TBC1D2: variants seen among roughly 807,000 people sequenced by gnomAD.
TBC1D2 encodes the protein TBC1 domain family member 2A.
A neutral mutation model predicts 91.1 loss-of-function variants in TBC1D2; 58 were observed. The observed-to-expected ratio is 0.64, with a 90% CI of 0.52 to 0.79. The LOEUF is 0.79. Ranked by LOEUF, TBC1D2 falls within the 30% of genes least tolerant of loss-of-function variation. The probability of loss-of-function intolerance (pLI) is 0.00; values close to 1 mark genes in which losing one functional copy is unlikely to be tolerated. For missense variants in TBC1D2, 1,080 were observed against 1,208.3 expected, an observed-to-expected ratio of 0.89 and a Z score of 1.57; for synonymous variants, 482 against 511.5, an observed-to-expected ratio of 0.94 and a Z score of 0.78.
intron 4 of TBC1D2, 46 bp downstream of exon 4, chr9:98,233,370 G>A (rs377041043): frequency 1.0e-5 from 16 of 1,577,502 alleles, no homozygotes; most frequent in African/African-American, 1.4e-5. Context: ...TGCCAGCCGT[G>A]AGGAGCTGGT....
In TBC1D2 at chr9:98,251,824, C is replaced by T. The variant is rs759294060; in HGVS notation, c.472G>A (p.Ala158Thr). ...AGGACGGGCCCATTCCCAGCCAGGGCGGCATCAGGGGTGGCAGGAGGTGCC... is the reference window on the plus strand; with the variant it reads ...AGGACGGGCCCATTCCCAGCCAGGGTGGCATCAGGGGTGGCAGGAGGTGCC... ...PPAPPATPDAALAGNGPVLHL... is the reference protein window; with the variant it reads ...PPAPPATPDATLAGNGPVLHL... Residue 158 changes from alanine to threonine, a missense_variant, in exon 2 of 13, where the codon GCC (alanine) becomes ACC (threonine). Ala to Thr is a moderately conservative substitution (Grantham distance 58). Coordinates refer to ENST00000465784, the MANE Select transcript of TBC1D2 (RefSeq NM_001267571.2). The T allele has an allele frequency of 2.6e-5, 42 of 1,603,034 alleles. No individual in the cohort carries two copies. Among genetic ancestry groups the T allele is most frequent in the South Asian group, 7.8e-5 (7 of 90,004 alleles).
In TBC1D2 at chr9:98,255,617, C is replaced by T; in HGVS notation, c.-76G>A. ...GGACAAATCTCGGAGACTCGGCGGG[C>T]AGCTTCCCAAAGGGAGACACCTGGG... On this transcript the variant is annotated 5_prime_UTR_variant, in exon 1 of 13. Transcript: ENST00000465784. The T allele has an allele frequency of 7.1e-7, 1 of 1,407,880 alleles. No individual in the cohort carries two copies. The highest frequency in any genetic ancestry group is 9.2e-7 in the Non-Finnish European group (1 of 1,084,874). The allele number at this position is 1,407,880 out of a possible 1,614,324, so 87.2% of individuals were successfully genotyped here.
At chr9:98,236,264 C>T (rs775594648) in intron 3 of TBC1D2, among the ~76,000 whole-genome samples, 15 of 151,928 alleles carry the variant, frequency 9.9e-5, no homozygotes, top group Non-Finnish European at 2.2e-4. Flanking sequence ...CACTCTGTCA[C>T]CCAGGCTGGA....
Position 98,203,310 on chromosome 9 carries a change from C to T in TBC1D2, c.2249G>A (p.Cys750Tyr), listed in dbSNP as rs1264400439. 1 of 1,614,240 alleles carries T rather than the reference C, an allele frequency of 6.2e-7. No homozygotes were observed. ...VETIMPADYY[C>Y]NTLTASQVDQ... Reference sequence around the variant, plus strand: ...TACCTGGGATGCCGTCAGCGTGTTGCAGTAGTAATCAGCGGGCATGATGGT... The same window carrying T: ...TACCTGGGATGCCGTCAGCGTGTTGTAGTAGTAATCAGCGGGCATGATGGT... The change falls in exon 10 of 13, where the codon TGC becomes TAC. Residue 750 changes from cysteine to tyrosine, a missense_variant. By Grantham distance (194) the Cys-to-Tyr change is radical. Transcript: ENST00000465784.
In TBC1D2 at chr9:98,224,072, T is replaced by C. The variant is rs376405587; in HGVS notation, c.979-2844A>G. On this transcript the variant is annotated intron_variant, in intron 5 of 12. Coordinates refer to ENST00000465784, the MANE Select transcript of TBC1D2 (RefSeq NM_001267571.2). Reference sequence around the variant, plus strand: ...AAAATTAGCCAGGCGTGGTGGCGGGTGCCTGTAGTCCCAGCTACTCAGGAG... The same window carrying C: ...AAAATTAGCCAGGCGTGGTGGCGGGCGCCTGTAGTCCCAGCTACTCAGGAG... Among the ~76,000 whole-genome samples, 170 of 151,642 alleles carry C rather than the reference T, an allele frequency of 1.1e-3. No homozygotes were observed. The East Asian group carries it at 0.029, about 26-fold the overall frequency.
intron 5 of TBC1D2, among the ~76,000 whole-genome samples, chr9:98,224,280 C>CTTT (rs1170210699): frequency 1.6e-4 from 17 of 107,430 alleles, no homozygotes; most frequent in Middle Eastern, 5.0e-3. Context: ...TTTTTCTTTT[C>CTTT]TTTTTTTTTT....
chr9:98,232,338 T>C (rs1829389507), intron 4 of TBC1D2, among the ~76,000 whole-genome samples: 1 of 128,084 alleles, frequency 7.8e-6, no homozygotes, highest in Non-Finnish European at 1.6e-5. Flanking sequence ...CTTTCTCTTT[T>C]TCTGTTTTTT....
intron 5 of TBC1D2, among the ~76,000 whole-genome samples, chr9:98,226,931 T>G (rs188981489): frequency 1.9e-3 from 288 of 152,346 alleles, no homozygotes; most frequent in Non-Finnish European, 3.3e-3. Context: ...AGGGGCAAAC[T>G]TTCATGAAAT....
chr9:98,208,910 C>T lies in TBC1D2; in HGVS notation c.1908G>A (p.Arg636=). The T allele has an allele frequency of 1.9e-6, 3 of 1,614,148 alleles. No homozygotes were observed. The highest frequency in any genetic ancestry group is 2.5e-6 in the Non-Finnish European group (3 of 1,180,016). The change falls in exon 9 of 13, where the codon AGG becomes AGA. Residue 636 remains arginine, a synonymous_variant. Transcript: ENST00000465784. ...VPREHRPRVW[R]WLVHLRVQHL... is the part of the protein sequence containing the mutation. ...GCTGGACACGGAGGTGGACCAGCCA[C>T]CTCCAGACACGAGGCCGGTGTTCAC... is the stretch of plus-strand genomic sequence containing the variant.
intron 7 of TBC1D2, among the ~76,000 whole-genome samples, chr9:98,211,520 G>A (rs1009505752): frequency 1.3e-5 from 2 of 152,212 alleles, no homozygotes; most frequent in Admixed American, 1.3e-4. Context: ...GGCAAGTCAG[G>A]CAAGTTCCTT....
chr9:98,211,116 A>G (rs888809083), intron 7 of TBC1D2, among the ~76,000 whole-genome samples: 2 of 152,250 alleles, frequency 1.3e-5, no homozygotes, highest in African/African-American at 4.8e-5. Flanking sequence ...CACAGCTTAC[A>G]GTCCCATCCT....
At position 98,255,413 on chromosome 9, in the gene TBC1D2, C is replaced by A. The variant is rs1285757210; in HGVS notation, c.129G>T (p.Ala43=). 1.2e-6 allele frequency: 2 copies of A among 1,612,978 alleles called. No individual in the cohort carries two copies. Among genetic ancestry groups the A allele is most frequent in the Middle Eastern group, 1.6e-4 (1 of 6,082 alleles). The part of the protein sequence containing the change: ...ESGDCARSLE[A]VPKKLCGYLS... ...AATACCCACAGAGTTTCTTGGGGAC[C>A]GCCTCCAGGGACCGGGCGCAGTCCC... The change falls in exon 1 of 13, where the codon GCG becomes GCT. Residue 43 remains alanine, a synonymous_variant. Transcript: ENST00000465784.
In TBC1D2 at chr9:98,217,314, T is replaced by C. The variant is rs140641785; in HGVS notation, c.1374+3519A>G. 4.4e-3 allele frequency among the ~76,000 whole-genome samples: 663 copies of C among 152,358 alleles called. 4 individuals carry two copies. The highest frequency in any genetic ancestry group is 0.015 in the African/African-American group (605 of 41,590). On this transcript the variant is annotated intron_variant, in intron 6 of 12. Transcript: ENST00000465784. ...GACCAGGGAAGCAGGAGCCCGGGAA[T>C]TCTCTTTGGGCCATGCCCATGGACT...
At chr9:98,216,952 C>T (rs939231553) in intron 6 of TBC1D2, among the ~76,000 whole-genome samples, 17 of 152,172 alleles carry the variant, frequency 1.1e-4, no homozygotes, top group South Asian at 4.1e-4. Flanking sequence ...ATCCTCCAAC[C>T]GTGGCCTCTC....
At chr9:98,217,861 G>A (rs1256994626) in intron 6 of TBC1D2, among the ~76,000 whole-genome samples, 7 of 152,024 alleles carry the variant, frequency 4.6e-5, no homozygotes, top group African/African-American at 1.4e-4. Context: ...ACTATGGCGG[G>A]TGCCTTCATA....
At chr9:98,206,481 G>T (rs1828658300) in intron 9 of TBC1D2, among the ~76,000 whole-genome samples, 1 of 152,088 alleles carries the variant, frequency 6.6e-6, no homozygotes, top group South Asian at 2.1e-4. Context: ...CTCCTATGAG[G>T]CTTATCTCAA....
intron 5 of TBC1D2, among the ~76,000 whole-genome samples, chr9:98,222,775 C>A (rs1326566927): frequency 6.6e-6 from 1 of 152,230 alleles, no homozygotes; most frequent in Non-Finnish European, 1.5e-5. Context: ...TATACCACAC[C>A]AAAGTATTAA....
intron 6 of TBC1D2, among the ~76,000 whole-genome samples, chr9:98,216,969 C>T (rs1014780004): frequency 1.3e-5 from 2 of 152,230 alleles, no homozygotes; most frequent in African/African-American, 4.8e-5. Context: ...TCTCAAAGCA[C>T]TGGATTGTGA....
chr9:98,209,536 G>A (rs1828756552), intron 8 of TBC1D2, among the ~76,000 whole-genome samples: 1 of 152,186 alleles, frequency 6.6e-6, no homozygotes, highest in East Asian at 1.9e-4. Context: ...CAGCCAGTAA[G>A]CGCAGGGGTG....
Sources: allele counts gnomAD v4.1 joint callset (sites outside exome capture counted in the v4.1 genomes callset), GRCh38; gene constraint gnomAD v4.1.1; transcripts MANE v1.5; gene names NCBI Gene and HGNC (gene_info 2026-07-23, HGNC 2026-07-21).